Variants in HOXA10 observed in about 807,000 individuals in gnomAD.
HOXA10 encodes homeobox A10.
A neutral mutation model predicts 29.7 loss-of-function variants in HOXA10; 12 were observed. The ratio of observed to expected loss-of-function variants is 0.40; its 90% CI spans 0.26 to 0.65. The LOEUF is 0.65. HOXA10 is among the 30% of genes least tolerant of loss of function. HOXA10 has a pLI of 0.37. For missense variants in HOXA10, 656 were observed against 585.9 expected (o/e 1.12, Z -1.24); for synonymous variants, 327 against 280.7 (o/e 1.16, Z -1.65).
At chr7:27,174,763 TC>T (rs1300374195), upstream of HOXA10, 1 of 166,494 alleles carries the variant, frequency 6.0e-6, no homozygotes, top group Non-Finnish European at 1.3e-5. Flanking sequence ...AGCGGCCGTG[TC>T]GGGGACTCAC....
chr7:27,172,052 G>A lies in HOXA10; in HGVS notation c.1080C>T (p.Tyr360=), dbSNP rs1024522219. The A allele has an allele frequency of 6.2e-7, 1 of 1,614,168 alleles. No individual in the cohort carries two copies. The highest frequency in any genetic ancestry group is 8.5e-7 in the Non-Finnish European group (1 of 1,180,012). The change falls in exon 2 of 2, where the codon TAC becomes TAT. Residue 360 remains tyrosine, a synonymous_variant. Transcript: ENST00000283921. ...ELEKEFLFNM[Y]LTRERRLEIS... is the part of the protein sequence containing the mutation. ...TCTCTAGGCGCCGCTCTCGAGTAAGGTACATATTGAACAGAAACTCCTTCT... is the reference window on the plus strand; with the variant it reads ...TCTCTAGGCGCCGCTCTCGAGTAAGATACATATTGAACAGAAACTCCTTCT...
chr7:27,173,990 C>G lies in HOXA10; in HGVS notation c.317G>C (p.Gly106Ala). 1 of 1,528,242 alleles carries G rather than the reference C, an allele frequency of 6.5e-7. No individual in the cohort carries two copies. Among genetic ancestry groups the G allele is most frequent in the Non-Finnish European group, 8.7e-7 (1 of 1,143,078 alleles). The allele number at this position is 1,528,242 out of a possible 1,614,324, so 94.7% of individuals were successfully genotyped here. A position where few individuals can be genotyped will look rare whatever the true frequency, so the allele number is the denominator to read the frequency against. ...GGGCGAGGGCCCGTAGCCGTGCGCCCCGGGACCTAGACCCCCGCCACCGCC... is the reference window on the plus strand; with the variant it reads ...GGGCGAGGGCCCGTAGCCGTGCGCCGCGGGACCTAGACCCCCGCCACCGCC... ...SGGGGGGLGP[G>A]AHGYGPSPID... is the part of the protein sequence containing the mutation. Residue 106 changes from glycine (G) to alanine (A), a missense_variant, in exon 1 of 2, where the codon GGG (glycine) becomes GCG (alanine). By Grantham distance (60) the Gly-to-Ala change is moderately conservative (BLOSUM62 0). Transcript: ENST00000283921.
upstream of HOXA10, among the ~76,000 whole-genome samples, chr7:27,177,806 G>A (rs1163085291): frequency 2.6e-5 from 4 of 152,078 alleles, no homozygotes; most frequent in East Asian, 5.8e-4. Context: ...TCTCCCTCAG[G>A]GTAACTTTGA....
At chr7:27,178,755 T>A (rs991680379), upstream of HOXA10, among the ~76,000 whole-genome samples, 1 of 152,170 alleles carries the variant, frequency 6.6e-6, no homozygotes, top group Non-Finnish European at 1.5e-5. Flanking sequence ...CACCACGCAC[T>A]GTATATTTGG....
Position 27,171,307 on chromosome 7 carries a change from G to C in HOXA10, c.*592C>G, listed in dbSNP as rs1376285328. 1.1e-5 allele frequency: 5 copies of C among 453,970 alleles called. No individual in the cohort carries two copies. Among genetic ancestry groups the C allele is most frequent in the Admixed American group, 9.4e-5 (4 of 42,546 alleles). 28.1% of individuals were successfully genotyped at this position (453,970 alleles called of 1,614,324 possible). On this transcript the variant is annotated 3_prime_UTR_variant, in exon 2 of 2. Transcript: ENST00000283921. ...ACTTTCTTTCTCACTTTTTAAATCA[G>C]CCAAAGTCAAGCCCGTTTGCCAACC...
chr7:27,177,357 T>G (rs1017049903), upstream of HOXA10, among the ~76,000 whole-genome samples: 1 of 152,218 alleles, frequency 6.6e-6, no homozygotes, highest in African/African-American at 2.4e-5. Flanking sequence ...TAAGCTCATG[T>G]ATGGCAGCCC....
rs1783581054 is a variant in HOXA10, at chr7:27,173,786, G to A, written c.521C>T (p.Ser174Leu). The A allele has an allele frequency of 6.2e-7, 1 of 1,610,550 alleles. No individual in the cohort carries two copies. The highest frequency in any genetic ancestry group is 1.7e-5 in the Admixed American group (1 of 59,854). ...KEESSYCLYD[S>L]ADKCPKVSAT... ...CGAGACTTTGGGGCATTTGTCCGCC[G>A]AGTCGTAGAGGCAGTAGGAGCTCTC... is the stretch of plus-strand genomic sequence containing the variant. Residue 174 changes from serine to leucine, a missense_variant, in exon 1 of 2, where the codon TCG (serine) becomes TTG (leucine). By Grantham distance (145) the Ser-to-Leu change is moderately radical. This residue lies in a region of HOXA10 where 594 missense variants were observed against 491.9 expected (regional missense o/e 1.21). Coordinates refer to ENST00000283921, the MANE Select transcript of HOXA10 (RefSeq NM_018951.4).
rs955647106 is a variant in HOXA10 at position 27,172,367 on chromosome 7, A to G, written c.959-194T>C. ...ATGACAAAAATTGAGTGGGCCTTCA[A>G]TCTACATGACCCTTCCAATTTACAT... On this transcript the variant is annotated intron_variant, in intron 1 of 1. Transcript: ENST00000283921. 8.0e-6 allele frequency: 5 copies of G among 624,090 alleles called. No individual in the cohort carries two copies. The East Asian group carries it at 1.4e-4, about 17-fold the overall frequency. 38.7% of individuals were successfully genotyped at this position (624,090 alleles called of 1,614,324 possible). A position where few individuals can be genotyped will look rare whatever the true frequency, so the allele number is the denominator to read the frequency against.
At chr7:27,179,511 G>A in intron 1 of HOXA10, 2 of 691,796 alleles carry the variant, frequency 2.9e-6, no homozygotes, top group South Asian at 3.2e-5. Context: ...CCAACCTTAG[G>A]GAGCAATGGG....
intron 1 of HOXA10, among the ~76,000 whole-genome samples, 161 bp downstream of exon 1, chr7:27,173,188 C>T (rs892438255): frequency 3.1e-4 from 47 of 152,340 alleles, no homozygotes; most frequent in African/African-American, 1.1e-3. Context: ...TTACTGCGTC[C>T]CCACGCCCAA....
At chr7:27,173,304 T>C in intron 1 of HOXA10, 45 bp downstream of exon 1, 3 of 1,608,724 alleles carry the variant, frequency 1.9e-6, no homozygotes, top group Non-Finnish European at 1.7e-6. Context: ...TCCTTGTGTC[T>C]GCCTGTCTGC....
upstream of HOXA10, chr7:27,174,631 G>A: frequency 2.5e-6 from 1 of 400,958 alleles, no homozygotes; most frequent in Non-Finnish European, 4.5e-6. Flanking sequence ...CCCTTAGAAG[G>A]GCCCTTGGGC....
At position 27,174,264 on chromosome 7, in the gene HOXA10, G is replaced by A; in HGVS notation, c.43C>T (p.Pro15Ser). The change falls in exon 1 of 2, where the codon CCC becomes TCC. Residue 15 changes from proline to serine, a missense_variant. Physicochemically the swap from Pro to Ser is moderately conservative, Grantham distance 74. Around this residue, in one of 2 missense-constraint regions of HOXA10, gnomAD observed 594 missense variants for 491.9 expected, o/e 1.21. Coordinates refer to ENST00000283921, the MANE Select transcript of HOXA10 (RefSeq NM_018951.4). ...KGYLLPSPNY[P>S]TTMSCSESPA... ...CTCTCCGAGCATGACATTGTTGTGG[G>A]ATAATTTGGCGAAGGGAGCAGATAG... 1.3e-6 allele frequency: 2 copies of A among 1,599,384 alleles called. No individual in the cohort carries two copies. The highest frequency in any genetic ancestry group is 8.5e-7 in the Non-Finnish European group (1 of 1,179,844).
chr7:27,174,087 C>G lies in HOXA10; in HGVS notation c.220G>C (p.Gly74Arg), dbSNP rs1033846356. Residue 74 changes from glycine (G) to arginine (R), a missense_variant, in exon 1 of 2, where the codon GGG (glycine) becomes CGG (arginine). Physicochemically the swap from Gly to Arg is moderately radical, Grantham distance 125 (BLOSUM62 -2). Transcript: ENST00000283921. ...YLPPAADLPY[G>R]LQSCGLFPTL... ...GGGAAGAGCCCGCAGCTCTGCAGCCCGTAGGGCAGGTCGGCGGCGGGCGGC... is the reference window on the plus strand; with the variant it reads ...GGGAAGAGCCCGCAGCTCTGCAGCCGGTAGGGCAGGTCGGCGGCGGGCGGC... The G allele has an allele frequency of 1.9e-6, 3 of 1,565,562 alleles. No homozygotes were observed. The highest frequency in any genetic ancestry group is 2.6e-6 in the Non-Finnish European group (3 of 1,162,350).
Position 27,173,641 on chromosome 7 carries a change from G to T in HOXA10, c.666C>A (p.Thr222=), listed in dbSNP as rs769479947. The T allele has an allele frequency of 7.8e-6, 12 of 1,545,124 alleles. No homozygotes were observed. In the South Asian group the frequency reaches 1.4e-4, roughly 18 times the overall value. ...GYFRLSQAYG[T]AKGYGSGGGG... is the part of the protein sequence containing the mutation. ...CGCCGCCGCTGCCATAGCCCTTGGCGGTGCCGTAGGCCTGAGAAAGGCGGA... is the reference window on the plus strand; with the variant it reads ...CGCCGCCGCTGCCATAGCCCTTGGCTGTGCCGTAGGCCTGAGAAAGGCGGA... Residue 222 remains threonine (T), a synonymous_variant, in exon 1 of 2, where the codon ACC becomes ACA. Transcript: ENST00000283921.
At chr7:27,178,180 A>T (rs752859629), upstream of HOXA10, among the ~76,000 whole-genome samples, 46 of 152,336 alleles carry the variant, frequency 3.0e-4, no homozygotes, top group Admixed American at 6.5e-4. Context: ...CCAGCGGTGG[A>T]GTTGGGCTGC....
chr7:27,173,252 G>T (rs1783549873), intron 1 of HOXA10, 97 bp downstream of exon 1: 2 of 1,563,160 alleles, frequency 1.3e-6, no homozygotes, highest in Non-Finnish European at 1.7e-6. Flanking sequence ...GGCCAAGGCC[G>T]GCCGGCTGCT....
chr7:27,170,887 T>C lies in HOXA10; in HGVS notation c.*1012A>G, dbSNP rs375339151. 7 of 454,542 alleles carry C rather than the reference T, an allele frequency of 1.5e-5. No homozygotes were observed. Among genetic ancestry groups the C allele is most frequent in the African/African-American group, 1.4e-4 (7 of 50,124 alleles). The allele number at this position is 454,542 out of a possible 1,614,324, so 28.2% of individuals were successfully genotyped here. Reference sequence around the variant, plus strand: ...CACAGTATAAAGGAAATCCAAACAATGTCTCCCTTCTCTAGTTTATTCCGC... The same window carrying C: ...CACAGTATAAAGGAAATCCAAACAACGTCTCCCTTCTCTAGTTTATTCCGC... On this transcript the variant is annotated 3_prime_UTR_variant, in exon 2 of 2. Coordinates refer to ENST00000283921, the MANE Select transcript of HOXA10 (RefSeq NM_018951.4).
Position 27,173,434 on chromosome 7 carries a change from C to T in HOXA10, c.873G>A (p.Glu291=), listed in dbSNP as rs751993453. The change falls in exon 1 of 2, where the codon GAG becomes GAA. Residue 291 remains glutamate (E), a synonymous_variant. Coordinates refer to ENST00000283921, the MANE Select transcript of HOXA10 (RefSeq NM_018951.4). The part of the protein sequence containing the change: ...GSGGGSQGDE[E]AHASSSAAEE... ...CCGCGGCCGAGGACGACGCGTGCGC[C>T]TCCTCGTCGCCCTGCGAGCCCCCGC... 6 of 1,588,870 alleles carry T rather than the reference C, an allele frequency of 3.8e-6. No individual in the cohort carries two copies. Among genetic ancestry groups the T allele is most frequent in the Admixed American group, 3.5e-5 (2 of 57,944 alleles).
Sources: gnomAD v4.1 joint callset for allele counts (sites outside exome capture counted in the v4.1 genomes callset) on GRCh38, gnomAD v4.1.1 for gene constraint, gnomAD v4.1.1 regional missense constraint, MANE v1.5 for transcripts, NCBI Gene and HGNC (gene_info 2026-07-23, HGNC 2026-07-21) for gene names.